SNX7: variants seen among roughly 807,000 people sequenced by gnomAD.
The protein encoded by SNX7 is sorting nexin-7.
A neutral mutation model predicts 48.4 loss-of-function variants in SNX7; 35 were observed. That is an observed-to-expected ratio of 0.72 (90% CI 0.55 to 0.96). SNX7 has a LOEUF of 0.96. SNX7 is among the 40% of genes least tolerant of loss of function. The probability of loss-of-function intolerance (pLI) is 0.00; values close to 1 mark genes in which losing one functional copy is unlikely to be tolerated. For synonymous variants in SNX7, 190 were observed against 190.2 expected (o/e 1.00, Z 0.01); for missense variants, 553 against 548.9 (o/e 1.01, Z -0.07).
chr1:98,695,702 A>G lies in SNX7; in HGVS notation c.824A>G (p.Tyr275Cys). The G allele has an allele frequency of 3.8e-6, 6 of 1,567,588 alleles. No individual in the cohort carries two copies. Among genetic ancestry groups the G allele is most frequent in the African/African-American group, 1.3e-5 (1 of 74,096 alleles). Residue 275 changes from tyrosine (Y) to cysteine (C), a missense_variant, in exon 5 of 9, where the codon TAT becomes TGT. By Grantham distance (194) the Tyr-to-Cys change is radical. Transcript: ENST00000306121. ...ATAGATAAAATATCTCAGAGAATTT[A>G]TAAGGAAGAAAGGGGTAAGTAGAAT... ...NLIDKISQRI[Y>C]KEEREYFDEM...
intron 8 of SNX7, among the ~76,000 whole-genome samples, chr1:98,739,885 G>T (rs1653986218): frequency 6.6e-6 from 1 of 152,178 alleles, no homozygotes; most frequent in Non-Finnish European, 1.5e-5. Flanking sequence ...GAGCCATTGA[G>T]TAGTTTTCAG....
chr1:98,715,065 A>G (rs1179222131), intron 7 of SNX7, among the ~76,000 whole-genome samples: 1 of 152,148 alleles, frequency 6.6e-6, no homozygotes, highest in Non-Finnish European at 1.5e-5. Flanking sequence ...CTATAGTACA[A>G]CCATCAATAT....
intron 1 of SNX7, among the ~76,000 whole-genome samples, chr1:98,673,895 A>G (rs1172024533): frequency 6.6e-6 from 1 of 152,184 alleles, no homozygotes; most frequent in East Asian, 1.9e-4. Context: ...AACTCTCAGT[A>G]TTTGCTATTA....
At chr1:98,753,048 A>G (rs1570614783) in intron 8 of SNX7, among the ~76,000 whole-genome samples, 1 of 152,094 alleles carries the variant, frequency 6.6e-6, no homozygotes, top group Non-Finnish European at 1.5e-5. Context: ...GATTTATCAT[A>G]TAAACACACT....
intron 7 of SNX7, among the ~76,000 whole-genome samples, chr1:98,736,191 C>A (rs1213093915): frequency 6.6e-6 from 1 of 152,188 alleles, no homozygotes; most frequent in African/African-American, 2.4e-5. Flanking sequence ...ATCAGTAGAA[C>A]CACTCTGTTG....
At chr1:98,681,068 C>T (rs1310996800) in intron 1 of SNX7, among the ~76,000 whole-genome samples, 2 of 152,206 alleles carry the variant, frequency 1.3e-5, no homozygotes, top group African/African-American at 4.8e-5. Flanking sequence ...TAATGACTTA[C>T]AATTCCACGT....
chr1:98,672,925 C>T lies in SNX7; in HGVS notation c.180+11014C>T, dbSNP rs1303447632. On this transcript the variant is annotated intron_variant, in intron 1 of 8. Coordinates refer to ENST00000306121, the MANE Select transcript of SNX7 (RefSeq NM_015976.5). Reference sequence around the variant, plus strand: ...CGGCCTGGGCGACAGAGCGAGACTCCGTCTCAAAAAAAAAAAAAAAAAAAA... The same window carrying T: ...CGGCCTGGGCGACAGAGCGAGACTCTGTCTCAAAAAAAAAAAAAAAAAAAA... Among the ~76,000 whole-genome samples the T allele has an allele frequency of 2.3e-4, 10 of 42,904 alleles. No individual in the cohort carries two copies. The East Asian group carries it at 4.2e-3, about 18-fold the overall frequency. 28.1% of individuals were successfully genotyped at this position (42,904 alleles called of 152,430 possible). A position where few individuals can be genotyped will look rare whatever the true frequency, so the allele number is the denominator to read the frequency against.
intron 8 of SNX7, among the ~76,000 whole-genome samples, chr1:98,741,092 A>G (rs1286094967): frequency 6.6e-6 from 1 of 152,308 alleles, no homozygotes; most frequent in East Asian, 1.9e-4. Context: ...TATACAGGGA[A>G]GTGAAATGTT....
intron 6 of SNX7, 125 bp from the exon 7 acceptor site, chr1:98,701,692 T>C: frequency 1.8e-6 from 1 of 555,956 alleles, no homozygotes; most frequent in Non-Finnish European, 3.0e-6. Context: ...AAATGTATTA[T>C]ATCCCCAAAT....
chr1:98,737,324 T>C (rs1242082389), intron 7 of SNX7, among the ~76,000 whole-genome samples: 1 of 152,180 alleles, frequency 6.6e-6, no homozygotes, highest in African/African-American at 2.4e-5. Flanking sequence ...ACCGTTCTGC[T>C]TCATTTTTCT....
Position 98,714,771 on chromosome 1 carries a change from G to A in SNX7, c.1125+12868G>A, listed in dbSNP as rs146264382. On this transcript the variant is annotated intron_variant, in intron 7 of 8. Coordinates refer to ENST00000306121, the MANE Select transcript of SNX7 (RefSeq NM_015976.5). ...TAGCTAGAATATGAAGGACAGAGGC[G>A]CAGCACTATGGCATGAGGACTGAAA... is the stretch of plus-strand genomic sequence containing the variant. 3.7e-3 allele frequency among the ~76,000 whole-genome samples: 556 copies of A among 152,254 alleles called. 4 individuals are homozygous for A. Among genetic ancestry groups the A allele is most frequent in the African/African-American group, 0.012 (516 of 41,558 alleles).
rs774222232 is a variant in SNX7, at chr1:98,684,916, G to C, written c.212G>C (p.Ser71Thr). ...DASLMDMNSF[S>T]PMMPTSPLSM... ...TCATTGATGGACATGAACTCCTTCA[G>C]CCCTATGATGCCAACATCCCCTTTA... The change falls in exon 2 of 9, where the codon AGC (serine) becomes ACC (threonine). Residue 71 changes from serine to threonine, a missense_variant. Coordinates refer to ENST00000306121, the MANE Select transcript of SNX7 (RefSeq NM_015976.5). 6.3e-7 allele frequency: 1 copy of C among 1,575,602 alleles called. No individual in the cohort carries two copies. The highest frequency in any genetic ancestry group is 8.6e-7 in the Non-Finnish European group (1 of 1,158,900).
At chr1:98,702,295 T>C (rs1195245237) in intron 7 of SNX7, among the ~76,000 whole-genome samples, 1 of 152,142 alleles carries the variant, frequency 6.6e-6, no homozygotes, top group African/African-American at 2.4e-5. Context: ...GTATACTTCT[T>C]TTCTAAGTGT....
At chr1:98,700,154 T>G (rs1651675296) in intron 6 of SNX7, among the ~76,000 whole-genome samples, 1 of 152,212 alleles carries the variant, frequency 6.6e-6, no homozygotes, top group South Asian at 2.1e-4. Flanking sequence ...TTGAATTAAT[T>G]TTTAGATGCC....
intron 1 of SNX7, among the ~76,000 whole-genome samples, chr1:98,662,974 A>G (rs1326715857): frequency 1.3e-5 from 2 of 152,224 alleles, no homozygotes; most frequent in East Asian, 1.9e-4. Flanking sequence ...TATTCCGAAT[A>G]TTTAAACAGA....
chr1:98,679,781 T>C (rs906978292), intron 1 of SNX7, among the ~76,000 whole-genome samples: 1 of 152,214 alleles, frequency 6.6e-6, no homozygotes, highest in African/African-American at 2.4e-5. Context: ...TGGGTTCCCA[T>C]GGTCTTGGGC....
intron 7 of SNX7, among the ~76,000 whole-genome samples, chr1:98,718,850 A>T (rs948765585): frequency 1.3e-5 from 2 of 152,150 alleles, no homozygotes; most frequent in African/African-American, 4.8e-5. Context: ...ATGTAGTAAG[A>T]TATCTTGGAG....
In SNX7 at chr1:98,691,013, C is replaced by T. The variant is rs910570602; in HGVS notation, c.364-62C>T. On this transcript the variant is annotated intron_variant, in intron 2 of 8. Transcript: ENST00000306121. ...ATTTATTTCACAATGTCTAAAATAA[C>T]GTTAGGCAAATACCTTCTATCTTAT... 41 of 1,029,768 alleles carry T rather than the reference C, an allele frequency of 4.0e-5. No homozygotes were observed. In the African/African-American group the frequency reaches 5.6e-4, roughly 14 times the overall value. The allele number at this position is 1,029,768 out of a possible 1,614,324, so 63.8% of individuals were successfully genotyped here. A position where few individuals can be genotyped will look rare whatever the true frequency, so the allele number is the denominator to read the frequency against.
chr1:98,671,234 A>G (rs1411292680), intron 1 of SNX7, among the ~76,000 whole-genome samples: 1 of 152,198 alleles, frequency 6.6e-6, no homozygotes, highest in Non-Finnish European at 1.5e-5. Context: ...CCTTAAGTAT[A>G]TACAGTTTTC....
Sources: gnomAD v4.1 joint callset for allele counts (sites outside exome capture counted in the v4.1 genomes callset) on GRCh38, gnomAD v4.1.1 for gene constraint, MANE v1.5 for transcripts, NCBI Gene and HGNC (gene_info 2026-07-23, HGNC 2026-07-21) for gene names.